FRMD4B: variants seen among roughly 807,000 people sequenced by gnomAD.
FRMD4B encodes the protein FERM domain containing 4B.
A neutral mutation model predicts 141.5 loss-of-function variants in FRMD4B; 74 were observed. The ratio of observed to expected loss-of-function variants is 0.52; its 90% CI spans 0.43 to 0.63. FRMD4B has a LOEUF of 0.63. FRMD4B is among the 30% of genes least tolerant of loss of function. FRMD4B has a pLI of 0.00. For synonymous variants in FRMD4B, 506 were observed against 467.9 expected (o/e 1.08, Z -1.05); for missense variants, 1,366 against 1,253.4 (o/e 1.09, Z -1.36).
intron 1 of FRMD4B, among the ~76,000 whole-genome samples, chr3:69,376,134 C>T (rs551750876): frequency 2.3e-4 from 35 of 152,058 alleles, no homozygotes; most frequent in African/African-American, 6.8e-4. Flanking sequence ...ACAGATGTGA[C>T]ATAATTATAA....
chr3:69,254,321 C>T (rs1559755018), intron 5 of FRMD4B, among the ~76,000 whole-genome samples: 1 of 151,924 alleles, frequency 6.6e-6, no homozygotes, highest in Non-Finnish European at 1.5e-5. Context: ...GTTGGCCAGG[C>T]TGGTCTCAAA....
chr3:69,182,599 C>T lies in FRMD4B; in HGVS notation c.2038G>A (p.Glu680Lys), dbSNP rs1226095188. Reference protein sequence around the residue: ...TRNAYSSSHLEPESSSQHCRQ... With the variant: ...TRNAYSSSHLKPESSSQHCRQ... ...GCAATGAGAAAGAAGCTCTCTTACT[C>T]CAAGTGGCTGCTGCTGTAGGCGTTT... The change falls in exon 20 of 23, where the codon GAA becomes AAA. Residue 680 changes from glutamate to lysine, a missense_variant and splice_region_variant. Transcript: ENST00000398540. 1 of 1,608,032 alleles carries T rather than the reference C, an allele frequency of 6.2e-7. No homozygotes were observed. The highest frequency in any genetic ancestry group is 1.3e-5 in the African/African-American group (1 of 74,392).
chr3:69,451,734 C>A (rs578209712), intron 1 of FRMD4B, among the ~76,000 whole-genome samples: 4 of 152,212 alleles, frequency 2.6e-5, no homozygotes, highest in African/African-American at 9.6e-5. Flanking sequence ...ATGTTACAAC[C>A]TATTCAGATC....
intron 1 of FRMD4B, among the ~76,000 whole-genome samples, chr3:69,331,223 CAG>C (rs1702358632): frequency 6.6e-6 from 1 of 152,142 alleles, no homozygotes; most frequent in Non-Finnish European, 1.5e-5. Flanking sequence ...GTGGCCTGGA[CAG>C]GGGATTATGC....
intron 1 of FRMD4B, among the ~76,000 whole-genome samples, chr3:69,323,648 A>ATATATG (rs1702091309): frequency 9.0e-6 from 1 of 111,538 alleles, no homozygotes; most frequent in African/African-American, 3.5e-5. Flanking sequence ...ATATATATAT[A>ATATATG]TATATGCGTT....
intron 1 of FRMD4B, among the ~76,000 whole-genome samples, chr3:69,346,830 A>T (rs1324206849): frequency 6.6e-6 from 1 of 152,218 alleles, no homozygotes; most frequent in Admixed American, 6.5e-5. Flanking sequence ...TCCTGAAGGA[A>T]GCACTAAACA....
At chr3:69,350,788 C>T (rs960776688) in intron 1 of FRMD4B, among the ~76,000 whole-genome samples, 2 of 135,686 alleles carry the variant, frequency 1.5e-5, no homozygotes, top group Non-Finnish European at 3.0e-5. Context: ...AACACTTGGA[C>T]ACAGGAAGGG....
intron 5 of FRMD4B, among the ~76,000 whole-genome samples, chr3:69,260,554 C>G (rs1019647386): frequency 2.2e-4 from 34 of 152,252 alleles, no homozygotes; most frequent in African/African-American, 5.5e-4. Flanking sequence ...CCTGAGCCCC[C>G]CCTTGGTGGG....
chr3:69,270,412 T>C (rs114695146), intron 5 of FRMD4B, among the ~76,000 whole-genome samples: 3,397 of 152,292 alleles, frequency 0.022, 66 homozygotes, highest in Non-Finnish European at 0.029. Flanking sequence ...AGATGACAGA[T>C]AGATGACAGA....
intron 1 of FRMD4B, among the ~76,000 whole-genome samples, chr3:69,332,089 A>T (rs1466546310): frequency 6.6e-6 from 1 of 152,096 alleles, no homozygotes; most frequent in Non-Finnish European, 1.5e-5. Flanking sequence ...TCCATCTCAG[A>T]AAAAAACAAA....
intron 7 of FRMD4B, among the ~76,000 whole-genome samples, chr3:69,245,051 T>C (rs532675908): frequency 3.1e-4 from 47 of 152,336 alleles, no homozygotes; most frequent in South Asian, 6.2e-4. Flanking sequence ...TAAAATAAGA[T>C]GGATTACAGG....
chr3:69,398,036 T>C (rs1467445003), intron 2 of FRMD4B, among the ~76,000 whole-genome samples: 1 of 152,150 alleles, frequency 6.6e-6, no homozygotes, highest in Non-Finnish European at 1.5e-5. Flanking sequence ...AAAAATCCTA[T>C]TTTATAAAAC....
chr3:69,507,035 C>A (rs1308362207), intron 1 of FRMD4B, among the ~76,000 whole-genome samples: 2 of 152,032 alleles, frequency 1.3e-5, no homozygotes, highest in African/African-American at 2.4e-5. Context: ...TGAGTGTGGA[C>A]CTTCATAGAG....
At position 69,446,813 on chromosome 3, in the gene FRMD4B, C is replaced by G. The variant is rs145432161; in HGVS notation, c.-128-14052G>C. 5.8e-3 allele frequency among the ~76,000 whole-genome samples: 887 copies of G among 152,280 alleles called. 34 individuals are homozygous for G. Among genetic ancestry groups the G allele is most frequent in the Admixed American group, 0.053 (812 of 15,292 alleles). ...AATCTCTGACATGGAGCGCATTCCTCTGAAAACACAAGACCCTTTGGAGAC... is the reference window on the plus strand; with the variant it reads ...AATCTCTGACATGGAGCGCATTCCTGTGAAAACACAAGACCCTTTGGAGAC... On this transcript the variant is annotated intron_variant, in intron 1 of 5. Coordinates refer to the FRMD4B transcript ENST00000459638.
At chr3:69,221,970 G>C in intron 8 of FRMD4B, 47 bp from the exon 9 acceptor site, 2 of 975,098 alleles carry the variant, frequency 2.1e-6, no homozygotes, top group Non-Finnish European at 3.2e-6. Context: ...GATTATCTGA[G>C]GTACAGGCAC....
chr3:69,326,119 A>ATTTTTTT lies in FRMD4B; in HGVS notation c.163-12609_163-12603dup, dbSNP rs371350022. On this transcript the variant is annotated intron_variant, in intron 1 of 22. Coordinates refer to ENST00000398540, the MANE Select transcript of FRMD4B (RefSeq NM_015123.3). ...GCACACCATCATGCCTGGCTAATCA[A>ATTTTTTT]TTTTTTTTTTTTTTTTTTGTAGAGA... Among the ~76,000 whole-genome samples, 744 of 133,658 alleles carry ATTTTTTT rather than the reference A, an allele frequency of 5.6e-3. 6 individuals carry two copies. Among genetic ancestry groups the ATTTTTTT allele is most frequent in the African/African-American group, 0.021 (722 of 34,482 alleles). The allele number at this position is 133,658 out of a possible 152,430, so 87.7% of individuals were successfully genotyped here. A position where few individuals can be genotyped will look rare whatever the true frequency, so the allele number is the denominator to read the frequency against.
chr3:69,420,085 G>A (rs1704945129), intron 2 of FRMD4B, among the ~76,000 whole-genome samples: 1 of 152,078 alleles, frequency 6.6e-6, no homozygotes, highest in Non-Finnish European at 1.5e-5. Context: ...TTGAAATCCT[G>A]ACCTCAGGTG....
At chr3:69,322,389 C>T (rs1702026349) in intron 1 of FRMD4B, among the ~76,000 whole-genome samples, 1 of 152,126 alleles carries the variant, frequency 6.6e-6, no homozygotes, top group South Asian at 2.1e-4. Flanking sequence ...GATTTTCCCT[C>T]AAGTTCTTTC....
At chr3:69,433,079 A>G (rs940284051) in intron 1 of FRMD4B, 3 of 152,212 alleles carry the variant, frequency 2.0e-5, no homozygotes, top group Admixed American at 6.5e-5. Context: ...GCTCAAAGTT[A>G]TCTACACTCA....
Sources: allele counts gnomAD v4.1 joint callset (sites outside exome capture counted in the v4.1 genomes callset), GRCh38; gene constraint gnomAD v4.1.1; transcripts MANE v1.5; gene names NCBI Gene and HGNC (gene_info 2026-07-23, HGNC 2026-07-21).